The following LARP1 variants were observed in gnomAD, a reference collection of about 807,000 sequenced individuals.
LARP1 encodes la-related protein 1.
Under a neutral mutation model 122.7 loss-of-function variants are expected in LARP1, and 36 were observed. The observed-to-expected ratio is 0.29, with a 90% confidence interval of 0.22 to 0.39. LARP1 has a LOEUF of 0.39. Ranked by LOEUF, LARP1 falls within the 10% of genes least tolerant of loss-of-function variation. The probability of loss-of-function intolerance (pLI) is 1.00; values close to 1 mark genes in which losing one functional copy is unlikely to be tolerated. For synonymous variants in LARP1, 539 were observed against 528.7 expected, an observed-to-expected ratio of 1.02 and a Z score of -0.27; for missense variants, 1,040 against 1,403.6, an observed-to-expected ratio of 0.74 and a Z score of 4.14.
At chr5:154,789,690 T>C (rs1757189305) in intron 1 of LARP1, among the ~76,000 whole-genome samples, 1 of 152,264 alleles carries the variant, frequency 6.6e-6, no homozygotes, top group Non-Finnish European at 1.5e-5. Flanking sequence ...AGGACATCTC[T>C]GTACATAACT....
At chr5:154,813,462 G>A (rs1020195941) in intron 18 of LARP1, among the ~76,000 whole-genome samples, 24 of 152,188 alleles carry the variant, frequency 1.6e-4, no homozygotes, top group African/African-American at 4.3e-4. Context: ...CTGAGACGTC[G>A]CAGCATACTG....
intron 1 of LARP1, among the ~76,000 whole-genome samples, chr5:154,778,501 G>A (rs983260184): frequency 1.7e-4 from 26 of 152,134 alleles, no homozygotes; most frequent in Non-Finnish European, 2.4e-4. Context: ...CTCCTCACAT[G>A]ATAATTCGAA....
At chr5:154,779,809 C>T (rs759251956) in intron 1 of LARP1, among the ~76,000 whole-genome samples, 1 of 151,896 alleles carries the variant, frequency 6.6e-6, no homozygotes, top group African/African-American at 2.4e-5. Flanking sequence ...TGCCCAGCCC[C>T]CCTCTACATT....
Position 154,799,768 on chromosome 5 carries a change from C to G in LARP1, c.1546+9C>G. 1 of 1,614,112 alleles carries G rather than the reference C, an allele frequency of 6.2e-7. No homozygotes were observed. Among genetic ancestry groups the G allele is most frequent in the Non-Finnish European group, 8.5e-7 (1 of 1,179,960 alleles). On this transcript the variant is annotated intron_variant, in intron 9 of 18. Transcript: ENST00000518297. ...CTACCAAAAGGAGACAGGTAGGTAC[C>G]TGCTGGCATGAAGATTGCCCTTGTC...
chr5:154,745,922 A>G (rs1218415072), intron 1 of LARP1, among the ~76,000 whole-genome samples: 2 of 151,832 alleles, frequency 1.3e-5, no homozygotes, highest in African/African-American at 4.8e-5. Context: ...TAGCCTTCCG[A>G]GTACCTGGGA....
chr5:154,773,991 T>C (rs1464250197), intron 1 of LARP1, among the ~76,000 whole-genome samples: 1 of 151,976 alleles, frequency 6.6e-6, no homozygotes, highest in African/African-American at 2.4e-5. Context: ...TGCCTCACAC[T>C]AGGCCACTTT....
chr5:154,694,406 A>T (rs953216603), intron 1 of LARP1, among the ~76,000 whole-genome samples: 1 of 143,544 alleles, frequency 7.0e-6, no homozygotes. Flanking sequence ...TAGGTGCAAG[A>T]CATCATACCT....
chr5:154,804,907 A>G (rs573374357), intron 14 of LARP1: 2 of 456,278 alleles, frequency 4.4e-6, no homozygotes, highest in African/African-American at 4.0e-5. Context: ...AAAATATACA[A>G]TTGATCTTTG....
intron 1 of LARP1, among the ~76,000 whole-genome samples, chr5:154,780,582 G>T (rs1252242576): frequency 1.3e-5 from 2 of 152,180 alleles, no homozygotes; most frequent in Non-Finnish European, 1.5e-5. Context: ...CAAATCACTG[G>T]TGACTTTGGC....
intron 1 of LARP1, among the ~76,000 whole-genome samples, chr5:154,764,923 A>G (rs1754803057): frequency 6.6e-6 from 1 of 151,442 alleles, no homozygotes; most frequent in Non-Finnish European, 1.5e-5. Flanking sequence ...AAAAAAAGAA[A>G]CAACAAAAAA....
At chr5:154,699,673 T>C (rs1754628184) in intron 1 of LARP1, among the ~76,000 whole-genome samples, 1 of 152,076 alleles carries the variant, frequency 6.6e-6, no homozygotes, top group African/African-American at 2.4e-5. Context: ...TAGAGACCAT[T>C]GAATTGAGTA....
chr5:154,708,799 C>T (rs146533035), upstream of LARP1, among the ~76,000 whole-genome samples: 11 of 152,022 alleles, frequency 7.2e-5, no homozygotes, highest in Admixed American at 4.6e-4. Flanking sequence ...TTAATAGAGA[C>T]GGGGCTTCCC....
chr5:154,784,981 G>A (rs1304475691), intron 1 of LARP1, among the ~76,000 whole-genome samples: 2 of 152,228 alleles, frequency 1.3e-5, no homozygotes, highest in Non-Finnish European at 2.9e-5. Flanking sequence ...TGAGTAAAAA[G>A]TGGAATGACT....
chr5:154,772,979 C>A (rs1487267526), intron 1 of LARP1, among the ~76,000 whole-genome samples: 2 of 139,324 alleles, frequency 1.4e-5, no homozygotes, highest in Non-Finnish European at 1.5e-5. Flanking sequence ...CCGCACCTGG[C>A]CTTTTTTTTT....
chr5:154,775,182 C>T (rs1755768799), intron 1 of LARP1, among the ~76,000 whole-genome samples: 1 of 152,118 alleles, frequency 6.6e-6, no homozygotes, highest in Non-Finnish European at 1.5e-5. Flanking sequence ...CTAATTTAGT[C>T]ACAGCTACTT....
At chr5:154,791,134 G>GT (rs778607471) in intron 3 of LARP1, among the ~76,000 whole-genome samples, 3,062 of 116,246 alleles carry the variant, frequency 0.026, 96 homozygotes, top group African/African-American at 0.059. Flanking sequence ...GTTTTTTGTT[G>GT]TTTTTTTTTT....
chr5:154,720,810 G>A (rs1376876443), intron 1 of LARP1, among the ~76,000 whole-genome samples: 2 of 152,180 alleles, frequency 1.3e-5, no homozygotes, highest in Non-Finnish European at 2.9e-5. Context: ...TGTTTTGGGA[G>A]GTTCATGCAG....
intron 1 of LARP1, among the ~76,000 whole-genome samples, chr5:154,743,456 C>T (rs1412485393): frequency 6.6e-6 from 1 of 151,030 alleles, no homozygotes; most frequent in East Asian, 1.9e-4. Flanking sequence ...TTACAGGTGC[C>T]CGCCACCATG....
At chr5:154,713,130 G>A (rs1258543192) in exon 1 of LARP1, 8 of 1,612,814 alleles carry the variant, frequency 5.0e-6, no homozygotes, top group Non-Finnish European at 6.8e-6. Flanking sequence ...CAGCAACCCT[G>A]GTGAGTCCTA....
Sources: allele counts gnomAD v4.1 joint callset (sites outside exome capture counted in the v4.1 genomes callset), GRCh38; gene constraint gnomAD v4.1.1; transcripts MANE v1.5; gene names NCBI Gene and HGNC (gene_info 2026-07-23, HGNC 2026-07-21).